The following PCYT1A variants were observed in gnomAD, a reference collection of about 807,000 sequenced individuals.
The protein encoded by PCYT1A is choline-phosphate cytidylyltransferase A.
A neutral mutation model predicts 43.7 loss-of-function variants in PCYT1A; 25 were observed. That is an observed-to-expected ratio of 0.57 (90% CI 0.42 to 0.80). The LOEUF is 0.80. Among genes scored for constraint, PCYT1A ranks in the 30% least tolerant of loss-of-function variants. The pLI, the probability that PCYT1A is intolerant of heterozygous loss-of-function variation, is 0.00. For synonymous variants in PCYT1A, 172 were observed against 170.7 expected (o/e 1.01, Z -0.06); for missense variants, 421 against 474.2 (o/e 0.89, Z 1.04).
At chr3:196,239,985 C>T (rs1413451549) in intron 7 of PCYT1A, 3 of 448,772 alleles carry the variant, frequency 6.7e-6, no homozygotes, top group Non-Finnish European at 1.2e-5. Context: ...TACCCAGTAA[C>T]AGGCACGTAG....
chr3:196,238,376 A>T lies in PCYT1A; in HGVS notation c.*312T>A, dbSNP rs993073278. Reference sequence around the variant, plus strand: ...TCTACATTTGAAAGACGAATTTTTTAAAAAATTAATGAAAATGACAATTTC... The same window carrying T: ...TCTACATTTGAAAGACGAATTTTTTTAAAAATTAATGAAAATGACAATTTC... On this transcript the variant is annotated 3_prime_UTR_variant, in exon 9 of 9. Coordinates refer to ENST00000431016, the MANE Select transcript of PCYT1A (RefSeq NM_001312673.2). 8 of 209,162 alleles carry T rather than the reference A, an allele frequency of 3.8e-5. No individual in the cohort carries two copies. Among genetic ancestry groups the T allele is most frequent in the South Asian group, 1.8e-4 (1 of 5,420 alleles). The allele number at this position is 209,162 out of a possible 1,614,324, so 13.0% of individuals were successfully genotyped here.
At chr3:196,256,093 C>T (rs1411115009) in intron 3 of PCYT1A, among the ~76,000 whole-genome samples, 2 of 152,202 alleles carry the variant, frequency 1.3e-5, no homozygotes, top group Admixed American at 6.5e-5. Context: ...TATATCTACA[C>T]ATTTTTTCAA....
chr3:196,261,155 A>G (rs994999308), intron 2 of PCYT1A, among the ~76,000 whole-genome samples: 1 of 152,200 alleles, frequency 6.6e-6, no homozygotes, highest in Non-Finnish European at 1.5e-5. Flanking sequence ...CAGAAAGCAG[A>G]TTAGTGGTTG....
intron 3 of PCYT1A, 91 bp downstream of exon 3, chr3:196,257,697 G>T: frequency 1.3e-6 from 1 of 776,216 alleles, no homozygotes; most frequent in Non-Finnish European, 2.2e-6. Flanking sequence ...TAAACAGAGG[G>T]CAGTATATAG....
intron 3 of PCYT1A, among the ~76,000 whole-genome samples, chr3:196,249,571 A>C (rs1161806726): frequency 2.0e-5 from 3 of 152,206 alleles, no homozygotes; most frequent in Non-Finnish European, 4.4e-5. Flanking sequence ...GGGGAACAAG[A>C]CTAATTCCAA....
At chr3:196,267,237 A>G (rs528661315) in intron 2 of PCYT1A, 52 of 437,452 alleles carry the variant, frequency 1.2e-4, no homozygotes, top group Middle Eastern at 1.0e-3. Context: ...ATGAATCTTC[A>G]AAACAAGCTC....
intron 5 of PCYT1A, among the ~76,000 whole-genome samples, chr3:196,244,718 A>C (rs1441007666): frequency 6.6e-6 from 1 of 152,242 alleles, no homozygotes; most frequent in East Asian, 1.9e-4. Context: ...AGAAGTAGAC[A>C]TGGGAGACTC....
intron 2 of PCYT1A, among the ~76,000 whole-genome samples, chr3:196,258,592 ATT>A (rs113525117): frequency 0.36 from 52,436 of 144,552 alleles, 9,811 homozygotes; most frequent in East Asian, 0.81. Flanking sequence ...TCCAATCTGG[ATT>A]TTTTTTTTTT....
At chr3:196,283,676 A>T (rs1725830077) in intron 1 of PCYT1A, 1 of 152,190 alleles carries the variant, frequency 6.6e-6, no homozygotes, top group South Asian at 2.1e-4. Context: ...TTAAGTACTC[A>T]TTTGACAGGA....
chr3:196,234,558 T>C lies in PCYT1A; in HGVS notation c.*4130A>G, dbSNP rs1724113590. ...TCCTTTCCAAGACTCTTTTGTCTTT[T>C]AGGGATCCTCAATACAAAACAACCC... is the stretch of plus-strand genomic sequence containing the variant. On this transcript the variant is annotated 3_prime_UTR_variant, in exon 9 of 9. Coordinates refer to ENST00000431016, the MANE Select transcript of PCYT1A (RefSeq NM_001312673.2). 6.6e-6 allele frequency: 1 copy of C among 152,234 alleles called. No individual in the cohort carries two copies. The highest frequency in any genetic ancestry group is 2.4e-5 in the African/African-American group (1 of 41,450). 9.4% of individuals were successfully genotyped at this position (152,234 alleles called of 1,614,324 possible). A position where few individuals can be genotyped will look rare whatever the true frequency, so the allele number is the denominator to read the frequency against.
At position 196,266,437 on chromosome 3, in the gene PCYT1A, C is replaced by T. The variant is rs149982624; in HGVS notation, c.117+3978G>A. 5.1e-3 allele frequency among the ~76,000 whole-genome samples: 778 copies of T among 152,100 alleles called. 8 individuals are homozygous for T. The highest frequency in any genetic ancestry group is 0.017 in the African/African-American group (726 of 41,518). ...GCAGTGAGCCGAGATCAGGCCACTG[C>T]ACTCCAGCCTGGGCGACAGAGCAAG... is the stretch of plus-strand genomic sequence containing the variant. On this transcript the variant is annotated intron_variant, in intron 2 of 8. Transcript: ENST00000431016.
intron 1 of PCYT1A, among the ~76,000 whole-genome samples, chr3:196,272,763 C>A (rs1302502327): frequency 6.6e-6 from 1 of 152,230 alleles, no homozygotes. Flanking sequence ...TCTCATTTAG[C>A]AGAGAGTTTC....
At chr3:196,255,970 T>A (rs1468603063) in intron 3 of PCYT1A, among the ~76,000 whole-genome samples, 1 of 152,188 alleles carries the variant, frequency 6.6e-6, no homozygotes, top group African/African-American at 2.4e-5. Flanking sequence ...ATCCATAGTC[T>A]CTGGTTTTCT....
Position 196,277,089 on chromosome 3 carries a change from G to T in PCYT1A, c.-10-6548C>A, listed in dbSNP as rs1427601998. On this transcript the variant is annotated intron_variant, in intron 1 of 8. Transcript: ENST00000431016. The surrounding 1 kb of genome is among the most constrained non-coding windows in gnomAD (Gnocchi z 4.1). The stretch of plus-strand genomic sequence containing the variant: ...TACTAAAAATATAAAAATTAGCCAG[G>T]TGTGGTGGCGGGCACCTGTAATCCC... Among the ~76,000 whole-genome samples, 1 of 152,054 alleles carries T rather than the reference G, an allele frequency of 6.6e-6. No individual in the cohort carries two copies. The highest frequency in any genetic ancestry group is 1.5e-5 in the Non-Finnish European group (1 of 68,018).
At chr3:196,280,490 T>C (rs2108782620) in intron 1 of PCYT1A, among the ~76,000 whole-genome samples, 1 of 152,154 alleles carries the variant, frequency 6.6e-6, no homozygotes, top group Non-Finnish European at 1.5e-5. Flanking sequence ...TAATACAATG[T>C]AAATACTATG....
At chr3:196,285,635 A>G (rs1725888761) in intron 1 of PCYT1A, among the ~76,000 whole-genome samples, 1 of 152,210 alleles carries the variant, frequency 6.6e-6, no homozygotes, top group Admixed American at 6.5e-5. Context: ...CATTCCTAGC[A>G]TGCCAGGCTT....
At chr3:196,285,522 C>T (rs924582305) in intron 1 of PCYT1A, among the ~76,000 whole-genome samples, 4 of 152,142 alleles carry the variant, frequency 2.6e-5, no homozygotes, top group African/African-American at 9.7e-5. Flanking sequence ...TAGTAACATT[C>T]ACTTTAATTT....
intron 1 of PCYT1A, among the ~76,000 whole-genome samples, chr3:196,284,013 A>G (rs140472156): frequency 2.3e-3 from 346 of 152,354 alleles, no homozygotes; most frequent in East Asian, 0.014. Context: ...TGACTTTTAC[A>G]AAAATGTATT....
chr3:196,279,148 C>T lies in PCYT1A; in HGVS notation c.-11+8467G>A, dbSNP rs566153954. Among the ~76,000 whole-genome samples the T allele has an allele frequency of 5.3e-5, 8 of 151,738 alleles. No individual in the cohort carries two copies. In the East Asian group the frequency reaches 7.8e-4, roughly 15 times the overall value. On this transcript the variant is annotated intron_variant, in intron 1 of 8. Coordinates refer to ENST00000431016, the MANE Select transcript of PCYT1A (RefSeq NM_001312673.2). Reference sequence around the variant, plus strand: ...ACTAAAACTACAAAAATAAGCTGGGCGTGGTGGCAGGTGCCTGTAATCCCA... The same window carrying T: ...ACTAAAACTACAAAAATAAGCTGGGTGTGGTGGCAGGTGCCTGTAATCCCA...
Sources: allele counts gnomAD v4.1 joint callset (sites outside exome capture counted in the v4.1 genomes callset), GRCh38; gene constraint gnomAD v4.1.1; non-coding constraint Gnocchi (gnomAD v3.1); transcripts MANE v1.5; gene names NCBI Gene and HGNC (gene_info 2026-07-23, HGNC 2026-07-21).